The following TASP1 variants were observed in gnomAD, a reference collection of about 807,000 sequenced individuals.
The protein encoded by TASP1 is threonine aspartase 1.
In TASP1, 16 loss-of-function variants were observed where a neutral mutation model predicts 56.6. The ratio of observed to expected loss-of-function variants is 0.28; its 90% CI spans 0.19 to 0.43. The LOEUF (loss-of-function observed/expected upper bound fraction) is 0.43. Ranked by LOEUF, TASP1 falls within the 20% of genes least tolerant of loss-of-function variation. The probability of loss-of-function intolerance (pLI) is 1.00; values close to 1 mark genes in which losing one functional copy is unlikely to be tolerated. For missense variants in TASP1, 393 were observed against 511.6 expected, an observed-to-expected ratio of 0.77 and a Z score of 2.24; for synonymous variants, 179 against 184.2, an observed-to-expected ratio of 0.97 and a Z score of 0.23.
intron 10 of TASP1, among the ~76,000 whole-genome samples, chr20:13,493,159 A>C (rs1006772036): frequency 1.8e-4 from 28 of 152,182 alleles, no homozygotes; most frequent in African/African-American, 2.7e-4. Flanking sequence ...TAAAACCAAA[A>C]AAACAAACAA....
the TASP1 span, among the ~76,000 whole-genome samples, chr20:13,295,667 G>A: frequency 6.6e-6 from 1 of 152,212 alleles, no homozygotes; most frequent in African/African-American, 2.4e-5. Context: ...GGACTAGGCA[G>A]GGACAGCTTT....
intron 13 of TASP1, among the ~76,000 whole-genome samples, chr20:13,413,826 T>C (rs548788370): frequency 6.6e-6 from 1 of 152,328 alleles, no homozygotes; most frequent in East Asian, 1.9e-4. Flanking sequence ...CCATTTGCTT[T>C]GCAATTTGCT....
intron 4 of TASP1, among the ~76,000 whole-genome samples, chr20:13,611,435 A>G (rs1364591523): frequency 6.6e-6 from 1 of 152,234 alleles, no homozygotes; most frequent in Non-Finnish European, 1.5e-5. Flanking sequence ...AATTGTTTCA[A>G]TGAGGAATTT....
At chr20:13,301,889 A>G in the TASP1 span, among the ~76,000 whole-genome samples, 1 of 152,206 alleles carries the variant, frequency 6.6e-6, no homozygotes, top group Non-Finnish European at 1.5e-5. Context: ...ACAAAGTACT[A>G]TGAAGAAATA....
chr20:13,204,485 G>A, the TASP1 span, among the ~76,000 whole-genome samples: 11 of 151,224 alleles, frequency 7.3e-5, no homozygotes, highest in African/African-American at 2.4e-4. Context: ...TCATGTGGGC[G>A]ATGTGTGGGA....
chr20:13,552,963 T>C (rs2046029228), intron 8 of TASP1, among the ~76,000 whole-genome samples: 1 of 152,046 alleles, frequency 6.6e-6, no homozygotes, highest in South Asian at 2.1e-4. Context: ...GGAGACAGAG[T>C]CTCACTCTGT....
rs560547411 is a variant in TASP1, at chr20:13,593,770, G to A, written c.283-6400C>T. ...CCTCTACAAACTCCACCTCTGTGGG[G>A]AGGGCATAGCTGAACAAAAGGCAGC... On this transcript the variant is annotated intron_variant, in intron 4 of 13. Transcript: ENST00000337743. 4.0e-4 allele frequency among the ~76,000 whole-genome samples: 61 copies of A among 152,284 alleles called. No homozygotes were observed. The South Asian group carries it at 5.2e-3, about 13-fold the overall frequency.
intron 1 of TASP1, among the ~76,000 whole-genome samples, chr20:13,636,073 C>T (rs1009510768): frequency 6.6e-6 from 1 of 150,768 alleles, no homozygotes; most frequent in Non-Finnish European, 1.5e-5. Context: ...CATCTTACAG[C>T]AAAGGGCTTT....
At chr20:13,108,871 T>C in the TASP1 span, among the ~76,000 whole-genome samples, 2 of 152,224 alleles carry the variant, frequency 1.3e-5, no homozygotes, top group African/African-American at 2.4e-5. Context: ...CTGGTGAACA[T>C]TGCATAACAG....
chr20:13,435,029 A>G lies in TASP1; in HGVS notation c.1096+15T>C. 4 of 1,553,440 alleles carry G rather than the reference A, an allele frequency of 2.6e-6. No individual in the cohort carries two copies. The highest frequency in any genetic ancestry group is 1.7e-5 in the Admixed American group (1 of 57,766). ...AAAAATAGAAAGACACACACAATGT[A>G]TATGTCTCACTTACCTAGAAGTGTC... On this transcript the variant is annotated intron_variant, in intron 12 of 13. Coordinates refer to ENST00000337743, the MANE Select transcript of TASP1 (RefSeq NM_017714.3).
At chr20:13,555,321 T>G (rs1224288253) in intron 8 of TASP1, among the ~76,000 whole-genome samples, 8 of 141,212 alleles carry the variant, frequency 5.7e-5, no homozygotes, top group African/African-American at 7.9e-5. Flanking sequence ...GAGGCGGAGG[T>G]TGCAGTGAGC....
chr20:13,608,790 T>G (rs533278065), intron 4 of TASP1, among the ~76,000 whole-genome samples: 1 of 152,240 alleles, frequency 6.6e-6, no homozygotes, highest in Non-Finnish European at 1.5e-5. Flanking sequence ...CACGGGGATA[T>G]AGCAGTGAAC....
At chr20:13,417,260 C>G (rs1183716727) in intron 13 of TASP1, among the ~76,000 whole-genome samples, 188 bp downstream of exon 13, 1 of 152,150 alleles carries the variant, frequency 6.6e-6, no homozygotes, top group African/African-American at 2.4e-5. Context: ...TCACCAAAAG[C>G]AAAATAGATA....
At chr20:13,147,520 C>T in the TASP1 span, among the ~76,000 whole-genome samples, 2 of 152,246 alleles carry the variant, frequency 1.3e-5, no homozygotes, top group South Asian at 4.2e-4. Context: ...CCCTCTGCCC[C>T]CTTGCCAAGC....
chr20:13,135,950 T>C, the TASP1 span, among the ~76,000 whole-genome samples: 1 of 152,234 alleles, frequency 6.6e-6, no homozygotes, highest in East Asian at 1.9e-4. Flanking sequence ...TATAATCAAG[T>C]GACCAGTAAT....
intron 7 of TASP1, among the ~76,000 whole-genome samples, chr20:13,566,711 C>T (rs775760098): frequency 1.3e-5 from 2 of 152,074 alleles, no homozygotes; most frequent in Non-Finnish European, 2.9e-5. Flanking sequence ...TAGAGAACTG[C>T]AAATCAAAAC....
intron 10 of TASP1, among the ~76,000 whole-genome samples, chr20:13,519,443 C>T (rs1296415902): frequency 6.6e-6 from 1 of 152,132 alleles, no homozygotes; most frequent in African/African-American, 2.4e-5. Flanking sequence ...GGGCTTCATC[C>T]CTGGGATGCA....
At chr20:13,559,413 G>A (rs1433027118) in intron 7 of TASP1, among the ~76,000 whole-genome samples, 3 of 152,060 alleles carry the variant, frequency 2.0e-5, no homozygotes, top group African/African-American at 7.2e-5. Context: ...AGGTCTCTGC[G>A]CAAAGGAGGT....
chr20:13,111,022 T>C, the TASP1 span, among the ~76,000 whole-genome samples: 1 of 152,194 alleles, frequency 6.6e-6, no homozygotes, highest in Admixed American at 6.5e-5. Context: ...TTCTGCTGCA[T>C]GAGTGGATAA....
Sources: gnomAD v4.1 joint callset for allele counts (sites outside exome capture counted in the v4.1 genomes callset) on GRCh38, gnomAD v4.1.1 for gene constraint, MANE v1.5 for transcripts, NCBI Gene and HGNC (gene_info 2026-07-23, HGNC 2026-07-21) for gene names.